Variants in MRPS31 observed in about 807,000 individuals in gnomAD.
MRPS31 encodes the protein small ribosomal subunit protein mS31.
MRPS31 carries 32 observed loss-of-function variants against 43.1 expected under a neutral mutation model. The observed-to-expected ratio is 0.74, with a 90% CI of 0.56 to 1.00. MRPS31 has a LOEUF of 1.00. Among genes scored for constraint, MRPS31 ranks in the 50% least tolerant of loss-of-function variants. The probability of loss-of-function intolerance (pLI) is 0.00; values close to 1 mark genes in which losing one functional copy is unlikely to be tolerated. For missense variants in MRPS31, 437 were observed against 466.7 expected (o/e 0.94, Z 0.59); for synonymous variants, 165 against 161.6 (o/e 1.02, Z -0.16).
chr13:40,733,246 C>A (rs138479283), intron 6 of MRPS31, among the ~76,000 whole-genome samples: 2,658 of 151,906 alleles, frequency 0.017, 55 homozygotes, highest in African/African-American at 0.058. Flanking sequence ...TCAGGTGATC[C>A]GCCTGCTTCG....
At chr13:40,731,251 T>C (rs146096183) in intron 6 of MRPS31, 5,732 of 83,242 alleles carry the variant, frequency 0.069, 259 homozygotes, top group East Asian at 0.22. Context: ...AGACCCTGTC[T>C]CAAAAAAAAA....
rs1295501879 is a variant in MRPS31 at position 40,760,631 on chromosome 13, C to CCTT, written c.441-1526_441-1525insAAG. ...AATAAACTATTTACAACATTTTTTC[C>CCTT]TTTTTTTTTTTTTTTTTAAGAGACA... On this transcript the variant is annotated intron_variant, in intron 2 of 6. Transcript: ENST00000323563. Among the ~76,000 whole-genome samples the CCTT allele has an allele frequency of 3.0e-5, 4 of 133,762 alleles. No individual in the cohort carries two copies. In the East Asian group the frequency reaches 8.5e-4, roughly 29 times the overall value. The allele number at this position is 133,762 out of a possible 152,430, so 87.8% of individuals were successfully genotyped here. A position where few individuals can be genotyped will look rare whatever the true frequency, so the allele number is the denominator to read the frequency against.
At chr13:40,746,615 C>T (rs1182937536) in intron 6 of MRPS31, among the ~76,000 whole-genome samples, 2 of 152,138 alleles carry the variant, frequency 1.3e-5, no homozygotes, top group Non-Finnish European at 2.9e-5. Flanking sequence ...TTTGATCACT[C>T]AAGATTTTGA....
intron 6 of MRPS31, among the ~76,000 whole-genome samples, chr13:40,739,360 T>C (rs914210525): frequency 2.6e-5 from 4 of 152,208 alleles, no homozygotes; most frequent in Non-Finnish European, 5.9e-5. Context: ...ATGGCCATAC[T>C]GCCCAAGGTA....
In MRPS31 at chr13:40,771,022, C is replaced by T. The variant is rs1256053876; in HGVS notation, c.115G>A (p.Gly39Arg). Reference protein sequence around the residue: ...AAIMLLTVRHGTVRYRSSALL... With the variant: ...AAIMLLTVRHRTVRYRSSALL... The stretch of plus-strand genomic sequence containing the variant: ...GCTGAACTGCGGTACCTGACTGTTC[C>T]GTGCCGAACAGTGAGTAGCATAATC... Residue 39 changes from glycine (G) to arginine (R), a missense_variant, in exon 1 of 7, where the codon GGA becomes AGA. Coordinates refer to ENST00000323563, the MANE Select transcript of MRPS31 (RefSeq NM_005830.4). 1.2e-6 allele frequency: 2 copies of T among 1,614,146 alleles called. No homozygotes were observed. Among genetic ancestry groups the T allele is most frequent in the Non-Finnish European group, 8.5e-7 (1 of 1,180,028 alleles).
At chr13:40,768,668 G>A (rs778820153) in intron 1 of MRPS31, among the ~76,000 whole-genome samples, 12 of 152,084 alleles carry the variant, frequency 7.9e-5, no homozygotes, top group Non-Finnish European at 1.8e-4. Context: ...TTACAGGTGT[G>A]AGCCACCACA....
At chr13:40,757,672 C>G (rs1388575142) in intron 3 of MRPS31, among the ~76,000 whole-genome samples, 1 of 150,072 alleles carries the variant, frequency 6.7e-6, no homozygotes, top group African/African-American at 2.4e-5. Flanking sequence ...TCTTGATCTC[C>G]TGACGTGGTG....
At chr13:40,749,010 T>C (rs1210878524) in intron 6 of MRPS31, 128 bp downstream of exon 6, 12 of 856,240 alleles carry the variant, frequency 1.4e-5, no homozygotes, top group Non-Finnish European at 2.1e-5. Context: ...CAGATTTATT[T>C]TAGGACACCA....
chr13:40,734,964 A>T (rs532101594), intron 6 of MRPS31, among the ~76,000 whole-genome samples: 44 of 152,156 alleles, frequency 2.9e-4, no homozygotes, highest in Non-Finnish European at 5.7e-4. Context: ...TCCAGTCTAC[A>T]GCTCCCAGCC....
chr13:40,747,222 G>A (rs761962173), intron 6 of MRPS31, among the ~76,000 whole-genome samples: 17 of 152,038 alleles, frequency 1.1e-4, no homozygotes. Flanking sequence ...AGGATTACAG[G>A]CATGAGCCAC....
At chr13:40,749,350 A>T in intron 5 of MRPS31, 69 bp from the exon 6 acceptor site, 1 of 1,266,068 alleles carries the variant, frequency 7.9e-7, no homozygotes. Context: ...GTTACAACCA[A>T]TCCTGAATTG....
intron 6 of MRPS31, among the ~76,000 whole-genome samples, chr13:40,739,265 A>G (rs1468516985): frequency 6.6e-6 from 1 of 152,184 alleles, no homozygotes; most frequent in East Asian, 1.9e-4. Context: ...AGAACTACAA[A>G]CCACTGCTCA....
In MRPS31 at chr13:40,743,831, T is replaced by A. The variant is rs540255830; in HGVS notation, c.958+5307A>T. On this transcript the variant is annotated intron_variant, in intron 6 of 6. Coordinates refer to ENST00000323563, the MANE Select transcript of MRPS31 (RefSeq NM_005830.4). ...ACTTAAAACAGAACTACCATTCAAC[T>A]TAGCAATCCAATTACTGGGTATATG... Among the ~76,000 whole-genome samples, 29 of 152,328 alleles carry A rather than the reference T, an allele frequency of 1.9e-4. 1 individual carries two copies. Among genetic ancestry groups the A allele is most frequent in the African/African-American group, 7.0e-4 (29 of 41,578 alleles).
At chr13:40,736,864 C>T (rs1330979097) in intron 6 of MRPS31, among the ~76,000 whole-genome samples, 3 of 150,464 alleles carry the variant, frequency 2.0e-5, no homozygotes, top group African/African-American at 7.4e-5. Flanking sequence ...TAGGAAGAAA[C>T]TGCATCAACT....
chr13:40,739,141 A>G (rs1425090896), intron 6 of MRPS31, among the ~76,000 whole-genome samples: 1 of 152,134 alleles, frequency 6.6e-6, no homozygotes, highest in East Asian at 1.9e-4. Flanking sequence ...CTATACACCA[A>G]CAACAGACAA....
intron 4 of MRPS31, among the ~76,000 whole-genome samples, chr13:40,755,199 C>T (rs553993668): frequency 2.0e-5 from 3 of 152,286 alleles, no homozygotes; most frequent in East Asian, 3.9e-4. Flanking sequence ...ATATAATCTT[C>T]CCTCTAACAG....
intron 5 of MRPS31, among the ~76,000 whole-genome samples, chr13:40,751,210 T>A (rs1266000400): frequency 2.0e-5 from 3 of 152,192 alleles, no homozygotes; most frequent in African/African-American, 7.2e-5. Context: ...AGCAATCACA[T>A]CAAAAATAAC....
chr13:40,751,171 T>C (rs1163026350), intron 5 of MRPS31, among the ~76,000 whole-genome samples: 2 of 152,172 alleles, frequency 1.3e-5, no homozygotes, highest in South Asian at 2.1e-4. Flanking sequence ...AAACAATCAG[T>C]TGTTAGCCTT....
intron 6 of MRPS31, among the ~76,000 whole-genome samples, chr13:40,733,696 C>T (rs1418217653): frequency 6.6e-6 from 1 of 152,070 alleles, no homozygotes; most frequent in South Asian, 2.1e-4. Flanking sequence ...TGGCTGGGCA[C>T]GTGGATCATG....
Sources: gnomAD v4.1 joint callset for allele counts (sites outside exome capture counted in the v4.1 genomes callset) on GRCh38, gnomAD v4.1.1 for gene constraint, MANE v1.5 for transcripts, NCBI Gene and HGNC (gene_info 2026-07-23, HGNC 2026-07-21) for gene names.